PTGER3: variants seen among roughly 807,000 people sequenced by gnomAD.
PTGER3 encodes prostaglandin E receptor 3, also known as prostaglandin E2 receptor EP3 subtype.
In PTGER3, 22 loss-of-function variants were observed where a neutral mutation model predicts 34.7. The ratio of observed to expected loss-of-function variants is 0.63; its 90% CI spans 0.45 to 0.91. The LOEUF is 0.91. Among genes scored for constraint, PTGER3 ranks in the 40% least tolerant of loss-of-function variants. The pLI, the probability that PTGER3 is intolerant of heterozygous loss-of-function variation, is 0.00. For synonymous variants in PTGER3, 241 were observed against 230.1 expected, an observed-to-expected ratio of 1.05 and a Z score of -0.43; for missense variants, 468 against 519.4, an observed-to-expected ratio of 0.90 and a Z score of 0.96.
intron 2 of PTGER3, among the ~76,000 whole-genome samples, chr1:70,988,426 A>G (rs773677839): frequency 6.6e-6 from 1 of 152,186 alleles, no homozygotes; most frequent in Non-Finnish European, 1.5e-5. Flanking sequence ...ACTCTCTCCC[A>G]GTTAGCTGTG....
intron 1 of PTGER3, among the ~76,000 whole-genome samples, chr1:71,032,045 A>G (rs1296346759): frequency 1.3e-5 from 2 of 152,214 alleles, no homozygotes; most frequent in Non-Finnish European, 2.9e-5. Flanking sequence ...AAAGTCTGCC[A>G]CCCAGCATGT....
At chr1:70,964,462 G>A (rs1221363929) in intron 2 of PTGER3, among the ~76,000 whole-genome samples, 1 of 152,316 alleles carries the variant, frequency 6.6e-6, no homozygotes, top group South Asian at 2.1e-4. Flanking sequence ...CATGGCAGGA[G>A]GTGAATGAGG....
chr1:70,978,434 A>G (rs896373270), intron 2 of PTGER3, among the ~76,000 whole-genome samples: 5 of 152,154 alleles, frequency 3.3e-5, no homozygotes, highest in Admixed American at 1.3e-4. Context: ...AATTGGTCAA[A>G]TTAATAAGCA....
intron 4 of PTGER3, among the ~76,000 whole-genome samples, chr1:70,864,328 C>G (rs1300920640): frequency 6.6e-6 from 1 of 152,142 alleles, no homozygotes; most frequent in East Asian, 1.9e-4. Flanking sequence ...AATGCAATGT[C>G]CATAAGCAGA....
At chr1:70,984,685 C>T (rs187399353) in intron 2 of PTGER3, among the ~76,000 whole-genome samples, 3 of 152,114 alleles carry the variant, frequency 2.0e-5, no homozygotes, top group Admixed American at 2.0e-4. Context: ...TATGATTGTA[C>T]CACTGCACTC....
intron 2 of PTGER3, among the ~76,000 whole-genome samples, chr1:70,959,642 T>G (rs1651719062): frequency 6.6e-6 from 1 of 152,202 alleles, no homozygotes; most frequent in African/African-American, 2.4e-5. Context: ...ATTACAGGCA[T>G]GAGCCACTGT....
intron 4 of PTGER3, among the ~76,000 whole-genome samples, chr1:70,903,778 A>AT (rs1199272819): frequency 6.6e-6 from 1 of 152,192 alleles, no homozygotes; most frequent in African/African-American, 2.4e-5. Flanking sequence ...CTAAATAAGG[A>AT]TAAAAACAGC....
At chr1:70,990,818 A>G (rs987473825) in intron 2 of PTGER3, among the ~76,000 whole-genome samples, 1 of 152,168 alleles carries the variant, frequency 6.6e-6, no homozygotes, top group Non-Finnish European at 1.5e-5. Context: ...GTACCACTCC[A>G]CAATCATATA....
At chr1:71,000,208 A>G (rs180888633) in intron 2 of PTGER3, among the ~76,000 whole-genome samples, 77 of 152,344 alleles carry the variant, frequency 5.1e-4, no homozygotes, top group Non-Finnish European at 8.8e-5. Flanking sequence ...ACATGATTAT[A>G]TTCTAAACCC....
At chr1:70,884,031 G>C in intron 4 of PTGER3, 1 of 381,962 alleles carries the variant, frequency 2.6e-6, no homozygotes, top group Non-Finnish European at 5.2e-6. Flanking sequence ...AGGTTGCAGT[G>C]AGCGGAAATC....
intron 1 of PTGER3, among the ~76,000 whole-genome samples, chr1:71,031,592 G>A (rs1233140201): frequency 6.6e-6 from 1 of 152,142 alleles, no homozygotes; most frequent in Non-Finnish European, 1.5e-5. Context: ...GAAGAAGGGG[G>A]TTTTTAGACA....
At chr1:70,912,746 T>C (rs1261973451) in intron 4 of PTGER3, among the ~76,000 whole-genome samples, 2 of 152,116 alleles carry the variant, frequency 1.3e-5, no homozygotes, top group Non-Finnish European at 2.9e-5. Context: ...GCATCTTTGT[T>C]AAAGAGATGA....
At chr1:71,033,135 G>C (rs1194381213) in intron 1 of PTGER3, among the ~76,000 whole-genome samples, 2 of 152,116 alleles carry the variant, frequency 1.3e-5, no homozygotes, top group Non-Finnish European at 2.9e-5. Context: ...CCTTCTTGGG[G>C]AGCCAAATGG....
chr1:70,865,068 A>T (rs967883436), intron 4 of PTGER3, among the ~76,000 whole-genome samples: 1 of 151,692 alleles, frequency 6.6e-6, no homozygotes, highest in Non-Finnish European at 1.5e-5. Flanking sequence ...TACAGGTGAT[A>T]GCATTTCAAG....
At chr1:71,033,918 C>T (rs891891038) in intron 1 of PTGER3, among the ~76,000 whole-genome samples, 2 of 152,072 alleles carry the variant, frequency 1.3e-5, no homozygotes, top group East Asian at 3.9e-4. Context: ...AGTAGAACTC[C>T]TCATTACCTA....
chr1:70,901,270 G>A (rs1239812448), intron 4 of PTGER3, among the ~76,000 whole-genome samples: 1 of 152,158 alleles, frequency 6.6e-6, no homozygotes, highest in Non-Finnish European at 1.5e-5. Context: ...CGCAGAGTGG[G>A]ACTAAAGGAG....
At chr1:70,948,402 C>A (rs1276250785), downstream of PTGER3, among the ~76,000 whole-genome samples, 1 of 152,126 alleles carries the variant, frequency 6.6e-6, no homozygotes, top group Admixed American at 6.6e-5. Flanking sequence ...GCTTCCCCTT[C>A]CACCATTAAC....
intron 1 of PTGER3, among the ~76,000 whole-genome samples, chr1:71,021,994 A>G (rs980415239): frequency 6.6e-6 from 1 of 151,928 alleles, no homozygotes; most frequent in Non-Finnish European, 1.5e-5. Context: ...AATGTTGCAC[A>G]GTATAATCCA....
intron 2 of PTGER3, among the ~76,000 whole-genome samples, chr1:70,989,369 T>A (rs970412697): frequency 5.3e-5 from 8 of 152,322 alleles, no homozygotes; most frequent in Non-Finnish European, 1.2e-4. Flanking sequence ...CTCACTTATG[T>A]TTCACTGGGA....
Sources: allele counts gnomAD v4.1 joint callset (sites outside exome capture counted in the v4.1 genomes callset), GRCh38; gene constraint gnomAD v4.1.1; transcripts MANE v1.5; gene names NCBI Gene and HGNC (gene_info 2026-07-23, HGNC 2026-07-21).